Variants in MINDY4 observed in about 807,000 individuals in gnomAD.
The protein encoded by MINDY4 is probable ubiquitin carboxyl-terminal hydrolase MINDY-4.
In MINDY4, 68 loss-of-function variants were observed where a neutral mutation model predicts 87.0. The ratio of observed to expected loss-of-function variants is 0.78; its 90% CI spans 0.64 to 0.96. The LOEUF is 0.96. Among genes scored for constraint, MINDY4 ranks in the 40% least tolerant of loss-of-function variants. MINDY4 has a pLI of 0.00. For synonymous variants in MINDY4, 379 were observed against 363.2 expected, an observed-to-expected ratio of 1.04 and a Z score of -0.50; for missense variants, 919 against 928.2, an observed-to-expected ratio of 0.99 and a Z score of 0.13.
rs184122441 is a variant in MINDY4 at position 30,892,080 on chromosome 7, C to G, written c.*75C>G. 1.2e-4 allele frequency: 183 copies of G among 1,537,124 alleles called. 1 individual carries two copies. In the East Asian group the frequency reaches 1.4e-3, roughly 12 times the overall value. On this transcript the variant is annotated 3_prime_UTR_variant, in exon 18 of 18. Coordinates refer to ENST00000265299, the MANE Select transcript of MINDY4 (RefSeq NM_032222.3). ...CGAGGATGACAGCTGAACCCCAAGCCTCTGGGGCAGGTCTCATGTACCCCA... is the reference window on the plus strand; with the variant it reads ...CGAGGATGACAGCTGAACCCCAAGCGTCTGGGGCAGGTCTCATGTACCCCA...
At position 30,771,520 on chromosome 7, in the gene MINDY4, G is replaced by A; in HGVS notation, c.27G>A (p.Val9=). 1 of 1,605,456 alleles carries A rather than the reference G, an allele frequency of 6.2e-7. No homozygotes were observed. The highest frequency in any genetic ancestry group is 8.5e-7 in the Non-Finnish European group (1 of 1,177,110). The part of the protein sequence containing the change: MDSLFVEE[V]AASLVREFLS... ...TGGACAGCCTCTTCGTGGAGGAGGT[G>A]GCCGCCTCCTTGGTCAGGGAGTTCC... The change falls in exon 1 of 18, where the codon GTG becomes GTA. Residue 9 remains valine, a synonymous_variant. Transcript: ENST00000265299.
At chr7:30,879,815 C>T (rs189638858) in intron 15 of MINDY4, among the ~76,000 whole-genome samples, 1 of 152,302 alleles carries the variant, frequency 6.6e-6, no homozygotes, top group African/African-American at 2.4e-5. Flanking sequence ...TTTTAAGCAT[C>T]GCATTTCATC....
chr7:30,852,751 T>G (rs1001175952), intron 11 of MINDY4, among the ~76,000 whole-genome samples: 1 of 152,192 alleles, frequency 6.6e-6, no homozygotes, highest in Non-Finnish European at 1.5e-5. Context: ...AAGACATACA[T>G]TTTTGTATTT....
At chr7:30,771,747 C>G (rs528986558) in intron 1 of MINDY4, among the ~76,000 whole-genome samples, 191 bp downstream of exon 1, 1 of 152,348 alleles carries the variant, frequency 6.6e-6, no homozygotes, top group Non-Finnish European at 1.5e-5. Context: ...GCGTTTCTGC[C>G]GTCGTCACCG....
intron 10 of MINDY4, among the ~76,000 whole-genome samples, chr7:30,851,894 G>A (rs1043947448): frequency 6.6e-6 from 1 of 152,242 alleles, no homozygotes; most frequent in Admixed American, 6.5e-5. Flanking sequence ...CCGCAGTCTG[G>A]AAACACATTT....
At chr7:30,772,460 A>G (rs1436191307) in intron 1 of MINDY4, among the ~76,000 whole-genome samples, 1 of 152,178 alleles carries the variant, frequency 6.6e-6, no homozygotes, top group Non-Finnish European at 1.5e-5. Context: ...CGTTATCTGT[A>G]AAACAGGAAA....
intron 2 of MINDY4, chr7:30,780,416 A>G (rs9639624): frequency 2.0e-5 from 3 of 152,216 alleles, no homozygotes; most frequent in Non-Finnish European, 4.4e-5. Context: ...TTATTCCCTC[A>G]TTGTAATATA....
chr7:30,801,066 G>A (rs570500404), intron 5 of MINDY4, among the ~76,000 whole-genome samples: 1 of 152,256 alleles, frequency 6.6e-6, no homozygotes, highest in South Asian at 2.1e-4. Flanking sequence ...GCCTCTGGAG[G>A]CCCCCAGATC....
At chr7:30,779,849 G>A (rs1306563535) in intron 2 of MINDY4, 1 of 152,216 alleles carries the variant, frequency 6.6e-6, no homozygotes, top group Middle Eastern at 3.2e-3. Context: ...GTAGGACCAA[G>A]GCTATTTTTT....
intron 1 of MINDY4, 81 bp downstream of exon 1, chr7:30,771,637 G>T (rs1395679144): frequency 1.4e-6 from 2 of 1,410,304 alleles, no homozygotes; most frequent in Non-Finnish European, 1.9e-6. Context: ...AGGCTTTGCA[G>T]CTTCTGGGAG....
intron 6 of MINDY4, among the ~76,000 whole-genome samples, chr7:30,830,706 A>G (rs970147036): frequency 2.0e-5 from 3 of 152,138 alleles, no homozygotes; most frequent in Admixed American, 6.6e-5. Context: ...GATGGGAACT[A>G]CCATTCAAGA....
chr7:30,840,426 C>A (rs143301136), intron 8 of MINDY4, among the ~76,000 whole-genome samples: 1 of 152,328 alleles, frequency 6.6e-6, no homozygotes, highest in Non-Finnish European at 1.5e-5. Flanking sequence ...TTAACACCCT[C>A]AACCTGTAGA....
At chr7:30,812,060 G>A (rs942150718) in intron 5 of MINDY4, among the ~76,000 whole-genome samples, 5 of 152,096 alleles carry the variant, frequency 3.3e-5, no homozygotes, top group East Asian at 1.9e-4. Context: ...AAAAGGGCAC[G>A]TGTACCAGAT....
intron 8 of MINDY4, among the ~76,000 whole-genome samples, chr7:30,839,655 C>CTG (rs200911726): frequency 0.032 from 4,930 of 152,134 alleles, 122 homozygotes; most frequent in East Asian, 0.11. Flanking sequence ...CCTTCTTAGG[C>CTG]TGATCATTGA....
chr7:30,871,533 G>C (rs781355340), intron 13 of MINDY4, among the ~76,000 whole-genome samples: 1 of 152,170 alleles, frequency 6.6e-6, no homozygotes, highest in Admixed American at 6.5e-5. Flanking sequence ...GAATTGTTCT[G>C]GTTCCTAGCG....
Position 30,782,047 on chromosome 7 carries a change from C to G in MINDY4, c.254C>G (p.Thr85Arg). 1 of 1,614,018 alleles carries G rather than the reference C, an allele frequency of 6.2e-7. No individual in the cohort carries two copies. The change falls in exon 3 of 18, where the codon ACG becomes AGG. Residue 85 changes from threonine (T) to arginine (R), a missense_variant. Transcript: ENST00000265299. ...TRYFLDHFGN[T>R]ANNFTQDTPI... ...TACTTTCTGGATCACTTTGGAAATA[C>G]GGCTAACAATTTCACTCAAGATACC...
intron 11 of MINDY4, among the ~76,000 whole-genome samples, chr7:30,852,542 G>C (rs1562554377): frequency 6.7e-6 from 1 of 149,234 alleles, no homozygotes; most frequent in Non-Finnish European, 1.5e-5. Flanking sequence ...TGTATGGAAT[G>C]CCTTTTGGTT....
chr7:30,842,312 G>A (rs1789066181), intron 9 of MINDY4, among the ~76,000 whole-genome samples: 1 of 152,158 alleles, frequency 6.6e-6, no homozygotes, highest in African/African-American at 2.4e-5. Flanking sequence ...TGCCTGCTCT[G>A]GAAGTTCAGC....
chr7:30,867,725 C>T (rs1461394231), intron 13 of MINDY4, among the ~76,000 whole-genome samples: 1 of 152,120 alleles, frequency 6.6e-6, no homozygotes, highest in Non-Finnish European at 1.5e-5. Context: ...GGTCAAGGGT[C>T]AGTTTCTGAG....
Sources: allele counts gnomAD v4.1 joint callset (sites outside exome capture counted in the v4.1 genomes callset), GRCh38; gene constraint gnomAD v4.1.1; transcripts MANE v1.5; gene names NCBI Gene and HGNC (gene_info 2026-07-23, HGNC 2026-07-21).